Variants in HIBADH observed in about 807,000 individuals in gnomAD.
HIBADH encodes 3-hydroxyisobutyrate dehydrogenase, mitochondrial.
In HIBADH, 25 loss-of-function variants were observed where a neutral mutation model predicts 36.1. The ratio of observed to expected loss-of-function variants is 0.69; its 90% CI spans 0.50 to 0.97. The LOEUF (loss-of-function observed/expected upper bound fraction) is 0.97. Ranked by LOEUF, HIBADH falls within the 50% of genes least tolerant of loss-of-function variation. The pLI is 0.00. For missense variants in HIBADH, 421 were observed against 418.0 expected, an observed-to-expected ratio of 1.01 and a Z score of -0.06; for synonymous variants, 160 against 149.5, an observed-to-expected ratio of 1.07 and a Z score of -0.51.
chr7:27,628,834 T>C (rs984070730), intron 4 of HIBADH, among the ~76,000 whole-genome samples: 2 of 152,084 alleles, frequency 1.3e-5, no homozygotes, highest in Admixed American at 6.5e-5. Context: ...ATAACATTTC[T>C]ATCTGGTGTA....
intron 2 of HIBADH, chr7:27,647,768 G>A: frequency 2.8e-6 from 1 of 362,018 alleles, no homozygotes; most frequent in Admixed American, 3.7e-5. Flanking sequence ...CAGAGCATCA[G>A]AAAGCTCTAG....
At chr7:27,564,588 G>A (rs1583571694) in intron 4 of HIBADH, among the ~76,000 whole-genome samples, 1 of 152,314 alleles carries the variant, frequency 6.6e-6, no homozygotes, top group East Asian at 1.9e-4. Flanking sequence ...ATTGAGTAAT[G>A]TGACTTCTCC....
chr7:27,565,070 A>G (rs1322555368), intron 4 of HIBADH, among the ~76,000 whole-genome samples: 3 of 152,080 alleles, frequency 2.0e-5, no homozygotes, highest in Non-Finnish European at 4.4e-5. Flanking sequence ...ACCAATCTAA[A>G]GCTCACATCC....
rs987983792 is a variant in HIBADH, at chr7:27,612,005, T to TC, written c.484+17365dup. On this transcript the variant is annotated intron_variant, in intron 4 of 7. Coordinates refer to ENST00000265395, the MANE Select transcript of HIBADH (RefSeq NM_152740.4). ...AAACTGTTACTCTTCCTTTTTTTTT[T>TC]CCTTCATAGCAATTATCACTGAAAT... 2.8e-4 allele frequency among the ~76,000 whole-genome samples: 42 copies of TC among 152,172 alleles called. 2 individuals are homozygous for TC. The highest frequency in any genetic ancestry group is 9.9e-4 in the African/African-American group (41 of 41,432).
chr7:27,653,627 C>G (rs527657487), intron 1 of HIBADH, among the ~76,000 whole-genome samples: 1 of 152,000 alleles, frequency 6.6e-6, no homozygotes, highest in South Asian at 2.1e-4. Flanking sequence ...GTCCCAGCTA[C>G]TCGGGAGGCT....
chr7:27,537,404 CA>C (rs1323790239), intron 6 of HIBADH, among the ~76,000 whole-genome samples: 1 of 152,010 alleles, frequency 6.6e-6, no homozygotes, highest in Non-Finnish European at 1.5e-5. Flanking sequence ...ACTGTGTTTT[CA>C]AAAATATCTC....
intron 1 of HIBADH, among the ~76,000 whole-genome samples, chr7:27,652,612 G>A (rs2128297396): frequency 6.6e-6 from 1 of 152,346 alleles, no homozygotes; most frequent in African/African-American, 2.4e-5. Context: ...CTGGAGGCCA[G>A]GAAGTCCAAC....
intron 1 of HIBADH, among the ~76,000 whole-genome samples, chr7:27,662,433 C>G (rs1354969663): frequency 6.6e-6 from 1 of 152,144 alleles, no homozygotes; most frequent in Non-Finnish European, 1.5e-5. Context: ...AGCCCAAGCT[C>G]TTCCCCACCT....
At chr7:27,534,114 CAAG>C (rs1784039496) in intron 6 of HIBADH, among the ~76,000 whole-genome samples, 5 of 152,222 alleles carry the variant, frequency 3.3e-5, no homozygotes, top group Admixed American at 2.0e-4. Flanking sequence ...ACCTCTAAAA[CAAG>C]AATTTTAAAT....
chr7:27,647,832 G>A (rs545993549), intron 2 of HIBADH: 7 of 214,300 alleles, frequency 3.3e-5, no homozygotes, highest in East Asian at 1.2e-4. Flanking sequence ...CATTACAGTC[G>A]TTCCACATAC....
rs1786448471 is a variant in HIBADH, at chr7:27,662,675, G to C, written c.91+23C>G. ...GCGAGCGGCCGAAAGAAGGACAAGG[G>C]GGAGGAGGCGTGAGGTCCTTACCCG... On this transcript the variant is annotated intron_variant, in intron 1 of 7. Coordinates refer to ENST00000265395, the MANE Select transcript of HIBADH (RefSeq NM_152740.4). 2.3e-6 allele frequency: 3 copies of C among 1,279,824 alleles called. No homozygotes were observed. In the Admixed American group the frequency reaches 1.3e-4, roughly 54 times the overall value. 79.3% of individuals were successfully genotyped at this position (1,279,824 alleles called of 1,614,324 possible). A position where few individuals can be genotyped will look rare whatever the true frequency, so the allele number is the denominator to read the frequency against.
intron 4 of HIBADH, among the ~76,000 whole-genome samples, chr7:27,555,774 T>A (rs2128186069): frequency 6.6e-6 from 1 of 152,266 alleles, no homozygotes; most frequent in African/African-American, 2.4e-5. Flanking sequence ...CCAGTCAAAA[T>A]CTAGAGACAT....
intron 2 of HIBADH, among the ~76,000 whole-genome samples, chr7:27,642,879 C>A (rs910211472): frequency 1.3e-5 from 2 of 152,068 alleles, no homozygotes; most frequent in African/African-American, 4.8e-5. Flanking sequence ...TCTCGATCTC[C>A]TGACCTCGTG....
At chr7:27,543,523 T>G (rs764832344) in intron 4 of HIBADH, among the ~76,000 whole-genome samples, 18 of 152,178 alleles carry the variant, frequency 1.2e-4, no homozygotes, top group Non-Finnish European at 2.4e-4. Flanking sequence ...CTGCCCACGT[T>G]TGGATTCGGG....
At chr7:27,646,837 A>T (rs1388347625) in intron 2 of HIBADH, among the ~76,000 whole-genome samples, 1 of 151,758 alleles carries the variant, frequency 6.6e-6, no homozygotes, top group African/African-American at 2.4e-5. Context: ...CTGAAACCAC[A>T]GACACACGCC....
intron 2 of HIBADH, among the ~76,000 whole-genome samples, chr7:27,641,407 G>GAC (rs1256666638): frequency 6.6e-6 from 1 of 152,048 alleles, no homozygotes; most frequent in Non-Finnish European, 1.5e-5. Flanking sequence ...GGAGGAAATG[G>GAC]ACACCCGTCC....
intron 4 of HIBADH, among the ~76,000 whole-genome samples, chr7:27,593,456 A>G (rs1784977272): frequency 6.6e-6 from 1 of 152,190 alleles, no homozygotes; most frequent in African/African-American, 2.4e-5. Context: ...TACTAGAAAC[A>G]TAATATTGGT....
intron 1 of HIBADH, among the ~76,000 whole-genome samples, chr7:27,657,111 A>C (rs1466282159): frequency 1.3e-5 from 2 of 152,196 alleles, no homozygotes; most frequent in African/African-American, 4.8e-5. Context: ...GGGAATAAAC[A>C]AGAGATTAAT....
Position 27,580,171 on chromosome 7 carries a change from T to C in HIBADH, c.485-37071A>G, listed in dbSNP as rs548563109. Among the ~76,000 whole-genome samples, 19 of 152,262 alleles carry C rather than the reference T, an allele frequency of 1.2e-4. No homozygotes were observed. The South Asian group carries it at 3.9e-3, about 32-fold the overall frequency. ...AATGAAAGAAATGCAATCAATTATA[T>C]TGAGACTATACTAGGCATTTCTCAA... On this transcript the variant is annotated intron_variant, in intron 4 of 7. Coordinates refer to ENST00000265395, the MANE Select transcript of HIBADH (RefSeq NM_152740.4).
Sources: gnomAD v4.1 joint callset for allele counts (sites outside exome capture counted in the v4.1 genomes callset) on GRCh38, gnomAD v4.1.1 for gene constraint, MANE v1.5 for transcripts, NCBI Gene and HGNC (gene_info 2026-07-23, HGNC 2026-07-21) for gene names.